The following PAK2 variants were observed in gnomAD, a reference collection of about 807,000 sequenced individuals.
The protein encoded by PAK2 is serine/threonine-protein kinase PAK 2.
A neutral mutation model predicts 65.9 loss-of-function variants in PAK2; 21 were observed. The ratio of observed to expected loss-of-function variants is 0.32; its 90% confidence interval spans 0.23 to 0.46. PAK2 has a LOEUF of 0.46. Among genes scored for constraint, PAK2 ranks in the 20% least tolerant of loss-of-function variants. The pLI, the probability that PAK2 is intolerant of heterozygous loss-of-function variation, is 1.00. For missense variants in PAK2, 324 were observed against 642.6 expected, an observed-to-expected ratio of 0.50 and a Z score of 5.36; for synonymous variants, 204 against 219.7, an observed-to-expected ratio of 0.93 and a Z score of 0.63.
chr3:196,764,756 C>T (rs2108724098), intron 1 of PAK2, among the ~76,000 whole-genome samples: 1 of 151,972 alleles, frequency 6.6e-6, no homozygotes, highest in South Asian at 2.1e-4. Flanking sequence ...TGGGCTCAGG[C>T]AGTCCTCCCG....
chr3:196,752,974 A>AG (rs1713656162), intron 1 of PAK2, among the ~76,000 whole-genome samples: 1 of 150,310 alleles, frequency 6.7e-6, no homozygotes, highest in Non-Finnish European at 1.5e-5. Context: ...ATGGGTTAAG[A>AG]GAAAAAAAAA....
At position 196,739,959 on chromosome 3, in the gene PAK2, T is replaced by G. The variant is rs955737495; in HGVS notation, c.-220T>G. The G allele has an allele frequency of 1.3e-5, 2 of 148,164 alleles. No individual in the cohort carries two copies. Among genetic ancestry groups the G allele is most frequent in the African/African-American group, 5.0e-5 (2 of 40,202 alleles). The allele number at this position is 148,164 out of a possible 1,614,324, so 9.2% of individuals were successfully genotyped here. A position where few individuals can be genotyped will look rare whatever the true frequency, so the allele number is the denominator to read the frequency against. ...TTGCCGAAGGCTCCCTCCCCTCCCCTCCCTGGCGTGCGCAGGACTCCGCCG... is the reference window on the plus strand; with the variant it reads ...TTGCCGAAGGCTCCCTCCCCTCCCCGCCCTGGCGTGCGCAGGACTCCGCCG... On this transcript the variant is annotated 5_prime_UTR_variant, in exon 1 of 15. Coordinates refer to ENST00000327134, the MANE Select transcript of PAK2 (RefSeq NM_002577.4).
chr3:196,772,045 A>C (rs1338768971), intron 1 of PAK2, among the ~76,000 whole-genome samples: 1 of 152,102 alleles, frequency 6.6e-6, no homozygotes, highest in Non-Finnish European at 1.5e-5. Flanking sequence ...TTTATTTTCA[A>C]GCTGCTTCTA....
chr3:196,774,480 G>A (rs187213467), intron 1 of PAK2, among the ~76,000 whole-genome samples: 1 of 152,282 alleles, frequency 6.6e-6, no homozygotes, highest in African/African-American at 2.4e-5. Context: ...CCTCAGGAAG[G>A]AAATCATTTT....
At chr3:196,780,867 C>T (rs188641590) in intron 1 of PAK2, among the ~76,000 whole-genome samples, 81 of 152,316 alleles carry the variant, frequency 5.3e-4, no homozygotes, top group Non-Finnish European at 1.0e-3. Context: ...CGGCTCACTG[C>T]AGGCTCTGCC....
chr3:196,822,770 C>T (rs942718807), intron 13 of PAK2, among the ~76,000 whole-genome samples: 11 of 152,066 alleles, frequency 7.2e-5, no homozygotes, highest in Non-Finnish European at 1.3e-4. Context: ...CCTGAGGTGA[C>T]ATTTGGACAC....
chr3:196,773,400 C>A (rs1026260796), intron 1 of PAK2, among the ~76,000 whole-genome samples: 1 of 152,120 alleles, frequency 6.6e-6, no homozygotes, highest in Non-Finnish European at 1.5e-5. Flanking sequence ...ATCACAGTCT[C>A]ATTTGGTACT....
At chr3:196,745,994 T>TC (rs1365581891) in intron 1 of PAK2, among the ~76,000 whole-genome samples, 12 of 151,512 alleles carry the variant, frequency 7.9e-5, no homozygotes, top group Non-Finnish European at 1.6e-4. Context: ...TTTTTTTTTT[T>TC]CTTTTTCTTT....
At position 196,754,571 on chromosome 3, in the gene PAK2, G is replaced by A. The variant is rs1713708601; in HGVS notation, c.-22+14414G>A. ...GTCTTTGTGAGTCTGAACTGATGAT[G>A]TATGAGAGTGGCCCTCATTTCTAGC... On this transcript the variant is annotated intron_variant, in intron 1 of 14. Transcript: ENST00000327134. Among the ~76,000 whole-genome samples the A allele has an allele frequency of 2.0e-5, 3 of 152,294 alleles. No homozygotes were observed. The South Asian group carries it at 6.2e-4, about 32-fold the overall frequency.
intron 1 of PAK2, among the ~76,000 whole-genome samples, chr3:196,781,855 G>A (rs1714724664): frequency 6.6e-6 from 1 of 152,180 alleles, no homozygotes. Context: ...TATAATCCCA[G>A]CACTGTGGGA....
chr3:196,808,391 C>CGT (rs1715656957), intron 7 of PAK2, among the ~76,000 whole-genome samples: 1 of 150,316 alleles, frequency 6.7e-6, no homozygotes, highest in Non-Finnish European at 1.5e-5. Flanking sequence ...TGAAACCCCT[C>CGT]CTCTACTAAA....
At chr3:196,825,115 G>A (rs561422983) in intron 13 of PAK2, among the ~76,000 whole-genome samples, 142 of 152,192 alleles carry the variant, frequency 9.3e-4, no homozygotes, top group African/African-American at 3.0e-3. Context: ...GGAGGCCAAG[G>A]TGGGCAGATC....
intron 3 of PAK2, 79 bp from the exon 4 acceptor site, chr3:196,802,938 A>G (rs1715464784): frequency 1.1e-5 from 10 of 929,864 alleles, no homozygotes; most frequent in Non-Finnish European, 1.6e-5. Flanking sequence ...TGTTTTGTGT[A>G]TTTTGTCATT....
intron 13 of PAK2, among the ~76,000 whole-genome samples, chr3:196,823,593 C>T (rs566624720): frequency 1.3e-5 from 2 of 151,990 alleles, no homozygotes; most frequent in African/African-American, 2.4e-5. Context: ...GGGCCGGGCA[C>T]GGTGGCTCAT....
chr3:196,794,124 C>T (rs140878038), intron 2 of PAK2, among the ~76,000 whole-genome samples: 180 of 152,096 alleles, frequency 1.2e-3, no homozygotes, highest in African/African-American at 4.3e-3. Flanking sequence ...GTGCAAGACT[C>T]TGTCTCAAAT....
chr3:196,780,864 C>T (rs1284635454), intron 1 of PAK2, among the ~76,000 whole-genome samples: 1 of 152,204 alleles, frequency 6.6e-6, no homozygotes, highest in Non-Finnish European at 1.5e-5. Flanking sequence ...TCTCGGCTCA[C>T]TGCAGGCTCT....
chr3:196,741,153 A>G (rs1311087174), intron 1 of PAK2, among the ~76,000 whole-genome samples: 3 of 152,144 alleles, frequency 2.0e-5, no homozygotes, highest in Non-Finnish European at 2.9e-5. Flanking sequence ...AAATTAAACT[A>G]CGAAGAGCTG....
At chr3:196,779,157 C>T (rs1043186729) in intron 1 of PAK2, among the ~76,000 whole-genome samples, 5 of 152,174 alleles carry the variant, frequency 3.3e-5, no homozygotes, top group African/African-American at 9.7e-5. Flanking sequence ...ATTTGCAATT[C>T]TTCTGTAAGA....
chr3:196,825,031 T>TA (rs944264675), intron 13 of PAK2, among the ~76,000 whole-genome samples: 174 of 152,258 alleles, frequency 1.1e-3, no homozygotes, highest in African/African-American at 3.7e-3. Flanking sequence ...CTAAAACTTC[T>TA]AAAAAATTAG....
Sources: allele counts gnomAD v4.1 joint callset (sites outside exome capture counted in the v4.1 genomes callset), GRCh38; gene constraint gnomAD v4.1.1; transcripts MANE v1.5; gene names NCBI Gene and HGNC (gene_info 2026-07-23, HGNC 2026-07-21).